Variants in ERC2 observed in about 807,000 individuals in gnomAD.
The protein encoded by ERC2 is ERC protein 2.
Under a neutral mutation model 114.8 loss-of-function variants are expected in ERC2, and 42 were observed. That is an observed-to-expected ratio of 0.37 (90% CI 0.29 to 0.47). The LOEUF (loss-of-function observed/expected upper bound fraction) is 0.47, where lower values mean the gene tolerates loss of function less well. Ranked by LOEUF, ERC2 falls within the 20% of genes least tolerant of loss-of-function variation. The probability of loss-of-function intolerance (pLI) is 0.99; values close to 1 mark genes in which losing one functional copy is unlikely to be tolerated. For synonymous variants in ERC2, 454 were observed against 425.5 expected (o/e 1.07, Z -0.82); for missense variants, 939 against 1,150.7 (o/e 0.82, Z 2.66).
intron 4 of ERC2, among the ~76,000 whole-genome samples, chr3:56,173,072 G>C (rs1295541110): frequency 2.0e-5 from 3 of 152,054 alleles, no homozygotes; most frequent in Admixed American, 6.5e-5. Context: ...ACTTCCCTTT[G>C]CCAACTCTTA....
intron 4 of ERC2, among the ~76,000 whole-genome samples, chr3:56,162,348 T>A (rs999495276): frequency 6.6e-6 from 1 of 152,150 alleles, no homozygotes; most frequent in African/African-American, 2.4e-5. Context: ...TTTTCTTTTC[T>A]TGTGTCTTTG....
chr3:55,581,541 C>T (rs1417176223), intron 17 of ERC2, among the ~76,000 whole-genome samples: 1 of 152,022 alleles, frequency 6.6e-6, no homozygotes, highest in Non-Finnish European at 1.5e-5. Context: ...CCATTTGTGG[C>T]CAGCACTATT....
chr3:56,218,637 TG>T (rs1428478735), intron 3 of ERC2, among the ~76,000 whole-genome samples: 8 of 152,204 alleles, frequency 5.3e-5, no homozygotes, highest in South Asian at 2.1e-4. Flanking sequence ...ATCCCATTAC[TG>T]GGTATATACC....
chr3:56,009,324 A>T (rs1475638398), intron 9 of ERC2, among the ~76,000 whole-genome samples: 1 of 152,198 alleles, frequency 6.6e-6, no homozygotes. Context: ...AGAGAACTCC[A>T]TTCTTTATAT....
intron 7 of ERC2, among the ~76,000 whole-genome samples, chr3:56,043,892 T>TA (rs575034577): frequency 1.1e-4 from 17 of 152,126 alleles, no homozygotes; most frequent in African/African-American, 3.4e-4. Flanking sequence ...TAAGATCACT[T>TA]AAAAAAAATC....
At chr3:56,251,083 A>C (rs1389078033) in intron 3 of ERC2, among the ~76,000 whole-genome samples, 1 of 152,206 alleles carries the variant, frequency 6.6e-6, no homozygotes, top group Non-Finnish European at 1.5e-5. Context: ...CAGGGATCCC[A>C]AACAAAGTTA....
intron 2 of ERC2, among the ~76,000 whole-genome samples, chr3:56,336,106 G>A (rs928037050): frequency 6.6e-6 from 1 of 152,186 alleles, no homozygotes; most frequent in Non-Finnish European, 1.5e-5. Context: ...AAAGAGCAGG[G>A]TGTAGTAAAT....
chr3:55,626,895 A>G (rs912882197), intron 17 of ERC2, among the ~76,000 whole-genome samples: 6 of 152,232 alleles, frequency 3.9e-5, no homozygotes, highest in African/African-American at 1.4e-4. Flanking sequence ...AATGGAACCA[A>G]TATCTACTCA....
intron 7 of ERC2, among the ~76,000 whole-genome samples, chr3:56,046,360 G>A (rs187490857): frequency 9.2e-5 from 14 of 152,146 alleles, no homozygotes; most frequent in Admixed American, 8.5e-4. Flanking sequence ...GGGTGAGAAG[G>A]GTTGGCGAGT....
At chr3:56,330,884 T>G (rs1173849371) in intron 2 of ERC2, among the ~76,000 whole-genome samples, 3 of 152,182 alleles carry the variant, frequency 2.0e-5, no homozygotes, top group African/African-American at 7.2e-5. Context: ...ATGACCTCCT[T>G]TTATGCTCAT....
chr3:55,985,591 T>C (rs1250338354), intron 12 of ERC2, among the ~76,000 whole-genome samples: 1 of 152,200 alleles, frequency 6.6e-6, no homozygotes, highest in Non-Finnish European at 1.5e-5. Flanking sequence ...CATGGGCAGA[T>C]ATTTTGTTCT....
intron 14 of ERC2, among the ~76,000 whole-genome samples, chr3:55,822,815 G>A (rs1419601058): frequency 1.3e-5 from 2 of 151,874 alleles, no homozygotes; most frequent in African/African-American, 2.4e-5. Context: ...GGGTTTCACC[G>A]CGTTAGCCAG....
chr3:55,886,271 A>C (rs971217975), intron 14 of ERC2, among the ~76,000 whole-genome samples: 11 of 152,220 alleles, frequency 7.2e-5, no homozygotes, highest in African/African-American at 2.2e-4. Context: ...GGAAAGTAAA[A>C]TGCAAAAAAC....
At chr3:56,436,327 A>ACTATT (rs2062015810) in intron 1 of ERC2, among the ~76,000 whole-genome samples, 1 of 152,240 alleles carries the variant, frequency 6.6e-6, no homozygotes, top group Non-Finnish European at 1.5e-5. Flanking sequence ...TGTAAGAAAT[A>ACTATT]GTAAGATGAG....
intron 2 of ERC2, among the ~76,000 whole-genome samples, chr3:56,386,853 T>C (rs1169879676): frequency 2.0e-5 from 3 of 152,156 alleles, no homozygotes. Flanking sequence ...TGTAAGACTT[T>C]TGGGCAGGTA....
rs192092621 is a variant in ERC2, at chr3:56,326,920, C to T, written c.658-30485G>A. ...TCTGAAACTGGATTTCTCTGGGGAT[C>T]CCTGGCCCATCAAACTAGGGCTACG... is the stretch of plus-strand genomic sequence containing the variant. On this transcript the variant is annotated intron_variant, in intron 2 of 17. Coordinates refer to ENST00000288221, the MANE Select transcript of ERC2 (RefSeq NM_015576.3). Among the ~76,000 whole-genome samples the T allele has an allele frequency of 5.9e-5, 9 of 152,342 alleles. No homozygotes were observed. The East Asian group carries it at 1.7e-3, about 29-fold the overall frequency.
chr3:55,859,060 A>G (rs1180891719), intron 14 of ERC2, among the ~76,000 whole-genome samples: 1 of 152,114 alleles, frequency 6.6e-6, no homozygotes, highest in Non-Finnish European at 1.5e-5. Context: ...GGACATGGCC[A>G]TGTACTTCTC....
intron 8 of ERC2, among the ~76,000 whole-genome samples, chr3:56,017,092 T>C (rs2073362250): frequency 6.6e-6 from 1 of 152,144 alleles, no homozygotes; most frequent in Admixed American, 6.6e-5. Context: ...TCAAGCTAAA[T>C]TTGAAAATAA....
At chr3:56,169,846 A>C (rs1392149141) in intron 4 of ERC2, among the ~76,000 whole-genome samples, 1 of 152,050 alleles carries the variant, frequency 6.6e-6, no homozygotes, top group African/African-American at 2.4e-5. Flanking sequence ...TGAATGACCC[A>C]AGAAAGTAAA....
Sources: gnomAD v4.1 joint callset for allele counts (sites outside exome capture counted in the v4.1 genomes callset) on GRCh38, gnomAD v4.1.1 for gene constraint, MANE v1.5 for transcripts, NCBI Gene and HGNC (gene_info 2026-07-23, HGNC 2026-07-21) for gene names.